The following HADHB variants were observed in gnomAD, a reference collection of about 807,000 sequenced individuals.
HADHB encodes hydroxyacyl-CoA dehydrogenase trifunctional multienzyme complex subunit beta, also known as trifunctional enzyme subunit beta, mitochondrial.
In HADHB, 50 loss-of-function variants were observed where a neutral mutation model predicts 61.9. That is an observed-to-expected ratio of 0.81 (90% confidence interval 0.64 to 1.02). The LOEUF is 1.02. Among genes scored for constraint, HADHB ranks in the 50% least tolerant of loss-of-function variants. The pLI is 0.00. For synonymous variants in HADHB, 191 were observed against 201.6 expected (o/e 0.95, Z 0.45); for missense variants, 504 against 586.5 (o/e 0.86, Z 1.45).
intron 4 of HADHB, among the ~76,000 whole-genome samples, chr2:26,269,079 G>T: frequency 6.6e-6 from 1 of 151,972 alleles, no homozygotes; most frequent in Non-Finnish European, 1.5e-5. Context: ...AACCCTGGAG[G>T]TGGAGGTTGC....
intron 4 of HADHB, among the ~76,000 whole-genome samples, chr2:26,269,079 G>A (rs560984004): frequency 6.6e-6 from 1 of 151,972 alleles, no homozygotes; most frequent in African/African-American, 2.4e-5. Flanking sequence ...AACCCTGGAG[G>A]TGGAGGTTGC....
At position 26,279,216 on chromosome 2, in the gene HADHB, C is replaced by T. The variant is rs764006338; in HGVS notation, c.712C>T (p.Arg238Trp). 21 of 1,613,414 alleles carry T rather than the reference C, an allele frequency of 1.3e-5. No individual in the cohort carries two copies. Among genetic ancestry groups the T allele is most frequent in the South Asian group, 2.2e-5 (2 of 91,066 alleles). ...DRLAAAFAVS[R>W]LEQDEYALRS... Reference sequence around the variant, plus strand: ...ACTGGCCGCTGCCTTTGCTGTTTCTCGGCTGGAACAGGATGAATATGCACT... The same window carrying T: ...ACTGGCCGCTGCCTTTGCTGTTTCTTGGCTGGAACAGGATGAATATGCACT... The change falls in exon 9 of 16, where the codon CGG becomes TGG. Residue 238 changes from arginine to tryptophan, a missense_variant. Arg to Trp is a moderately radical substitution (Grantham distance 101, BLOSUM62 -3). Coordinates refer to ENST00000317799, the MANE Select transcript of HADHB (RefSeq NM_000183.3).
At chr2:26,286,095 C>A (rs1673023297) in intron 15 of HADHB, among the ~76,000 whole-genome samples, 1 of 151,840 alleles carries the variant, frequency 6.6e-6, no homozygotes, top group African/African-American at 2.4e-5. Context: ...TATTTTTCCC[C>A]AATATAATGT....
rs1313401825 is a variant in HADHB, at chr2:26,254,307, C to T, written c.53C>T (p.Ala18Val). 4 of 1,544,436 alleles carry T rather than the reference C, an allele frequency of 2.6e-6. No individual in the cohort carries two copies. Among genetic ancestry groups the T allele is most frequent in the Non-Finnish European group, 3.6e-6 (4 of 1,117,034 alleles). Residue 18 changes from alanine to valine, a missense_variant, in exon 2 of 16, where the codon GCC (alanine) becomes GTC (valine). Coordinates refer to ENST00000317799, the MANE Select transcript of HADHB (RefSeq NM_000183.3). ...AATCTTCCCACTGCATCAAAATGGG[C>T]CCTCAGATTTTGTAAGTTTATTATT... is the stretch of plus-strand genomic sequence containing the variant. ...FKNLPTASKW[A>V]LRFSIRPLSC... is the part of the protein sequence containing the mutation.
chr2:26,263,932 C>A (rs984386868), intron 4 of HADHB, among the ~76,000 whole-genome samples: 1 of 152,066 alleles, frequency 6.6e-6, no homozygotes, highest in East Asian at 1.9e-4. Context: ...ATAGCACAAC[C>A]CCAAGTGTGT....
chr2:26,261,222 C>CCG, intron 3 of HADHB: 2 of 474,876 alleles, frequency 4.2e-6, no homozygotes, highest in Non-Finnish European at 7.4e-6. Flanking sequence ...ACCCCCCCCC[C>CCG]ATCCAGACAA....
chr2:26,254,103 A>G lies in HADHB; in HGVS notation c.-8-144A>G, dbSNP rs1159451084. 5 of 621,054 alleles carry G rather than the reference A, an allele frequency of 8.1e-6. No individual in the cohort carries two copies. The African/African-American group carries it at 9.3e-5, about 12-fold the overall frequency. The allele number at this position is 621,054 out of a possible 1,614,324, so 38.5% of individuals were successfully genotyped here. A position where few individuals can be genotyped will look rare whatever the true frequency, so the allele number is the denominator to read the frequency against. ...ATGTTGGTGTTCCTATCATAATAAT[A>G]TTATTAGATGAAGAATAGTTGATAA... On this transcript the variant is annotated intron_variant, in intron 1 of 15. Coordinates refer to ENST00000317799, the MANE Select transcript of HADHB (RefSeq NM_000183.3).
At chr2:26,279,841 T>G (rs1038472354) in intron 9 of HADHB, among the ~76,000 whole-genome samples, 153 bp from the exon 10 acceptor site, 6 of 152,224 alleles carry the variant, frequency 3.9e-5, no homozygotes, top group Admixed American at 3.9e-4. Context: ...AGTTTAAAAT[T>G]TGATAATATG....
At chr2:26,269,604 A>C (rs907667136) in intron 4 of HADHB, among the ~76,000 whole-genome samples, 3 of 152,190 alleles carry the variant, frequency 2.0e-5, no homozygotes, top group African/African-American at 7.2e-5. Context: ...AAAATAAATA[A>C]ATAATATACT....
intron 6 of HADHB, among the ~76,000 whole-genome samples, chr2:26,276,538 A>T (rs1558355297): frequency 6.6e-6 from 1 of 152,228 alleles, no homozygotes; most frequent in Non-Finnish European, 1.5e-5. Flanking sequence ...TGTAAAGCAG[A>T]CAGGGTCTTG....
chr2:26,259,994 G>T, intron 3 of HADHB, among the ~76,000 whole-genome samples: 1 of 152,102 alleles, frequency 6.6e-6, no homozygotes, highest in South Asian at 2.1e-4. Flanking sequence ...AGGTGGAACC[G>T]AGTAAAACAA....
intron 3 of HADHB, among the ~76,000 whole-genome samples, chr2:26,262,047 C>G (rs575747157): frequency 6.6e-6 from 1 of 152,272 alleles, no homozygotes; most frequent in African/African-American, 2.4e-5. Flanking sequence ...ATCTCCTTCA[C>G]CAGCAGCACT....
rs72851542 is a variant in HADHB at position 26,285,553 on chromosome 2, G to A, written c.1371G>A (p.Ala457=). 405 of 1,613,826 alleles carry A rather than the reference G, an allele frequency of 2.5e-4. No homozygotes were observed. The African/African-American group carries it at 4.5e-3, about 18-fold the overall frequency. ...KEGGQYGLVA[A]CAAGGQGHAM... Reference sequence around the variant, plus strand: ...GAGGCCAGTATGGCTTAGTGGCTGCGTGTGCAGCTGGAGGGCAGGTACGTT... The same window carrying A: ...GAGGCCAGTATGGCTTAGTGGCTGCATGTGCAGCTGGAGGGCAGGTACGTT... The change falls in exon 15 of 16, where the codon GCG becomes GCA. Residue 457 remains alanine (A), a synonymous_variant. Transcript: ENST00000317799.
chr2:26,245,781 G>A (rs1314819692), intron 1 of HADHB, among the ~76,000 whole-genome samples: 1 of 152,122 alleles, frequency 6.6e-6, no homozygotes, highest in Non-Finnish European at 1.5e-5. Context: ...CACATTGAGA[G>A]CCTGCTGTGC....
intron 3 of HADHB, chr2:26,261,114 G>T: frequency 2.2e-6 from 2 of 929,202 alleles, no homozygotes; most frequent in Non-Finnish European, 3.4e-6. Context: ...TTGACTTAGG[G>T]ATGTGTCTAT....
chr2:26,248,776 G>A (rs746479840), intron 1 of HADHB, among the ~76,000 whole-genome samples: 2 of 152,116 alleles, frequency 1.3e-5, no homozygotes, highest in African/African-American at 4.8e-5. Context: ...CAACAAAAAG[G>A]CTGGGCGCAG....
chr2:26,256,458 TGTAA>T (rs1430390624), intron 3 of HADHB, among the ~76,000 whole-genome samples: 5 of 152,092 alleles, frequency 3.3e-5, no homozygotes, highest in African/African-American at 9.7e-5. Flanking sequence ...GGACTGGAAA[TGTAA>T]GTGTCTGATG....
rs567625159 is a variant in HADHB at position 26,259,946 on chromosome 2, C to T, written c.110-3434C>T. 7.2e-5 allele frequency among the ~76,000 whole-genome samples: 11 copies of T among 152,202 alleles called. No homozygotes were observed. The South Asian group carries it at 2.3e-3, about 32-fold the overall frequency. ...AGCTGTAAAGGACTGGGGGCTGGCT[C>T]ATCTTGTTCTATTTTGAGAAGTAGT... On this transcript the variant is annotated intron_variant, in intron 3 of 15. Coordinates refer to ENST00000317799, the MANE Select transcript of HADHB (RefSeq NM_000183.3).
At chr2:26,265,524 A>T (rs1672039519) in intron 4 of HADHB, among the ~76,000 whole-genome samples, 3 of 152,116 alleles carry the variant, frequency 2.0e-5, no homozygotes, top group Admixed American at 2.0e-4. Context: ...TGAACCTGGG[A>T]GGTGGAGGTT....
Sources: allele counts gnomAD v4.1 joint callset (sites outside exome capture counted in the v4.1 genomes callset), GRCh38; gene constraint gnomAD v4.1.1; transcripts MANE v1.5; gene names NCBI Gene and HGNC (gene_info 2026-07-23, HGNC 2026-07-21).